The following TNNT3 variants were observed in gnomAD, a reference collection of about 807,000 sequenced individuals.
TNNT3 encodes the protein troponin T, fast skeletal muscle.
TNNT3 carries 36 observed loss-of-function variants against 54.2 expected under a neutral mutation model. The observed-to-expected ratio is 0.66, with a 90% CI of 0.51 to 0.88. The LOEUF (loss-of-function observed/expected upper bound fraction) is 0.88, where lower values mean the gene tolerates loss of function less well. TNNT3 is among the 40% of genes least tolerant of loss of function. The pLI, the probability that TNNT3 is intolerant of heterozygous loss-of-function variation, is 0.00. For missense variants in TNNT3, 291 were observed against 331.6 expected (o/e 0.88, Z 0.95); for synonymous variants, 120 against 109.7 (o/e 1.09, Z -0.59).
In TNNT3 at chr11:1,932,233, C is replaced by T. The variant is rs72846741; in HGVS notation, c.126-236C>T. Among the ~76,000 whole-genome samples the T allele has an allele frequency of 6.7e-3, 1,025 of 152,360 alleles. 2 individuals carry two copies. Among genetic ancestry groups the T allele is most frequent in the Non-Finnish European group, 9.1e-3 (618 of 68,036 alleles). ...CAATGGCCAGAAGCCAAAAGGCAGA[C>T]GGTGGCGCTGGAAGCGGAAGCCTTC... On this transcript the variant is annotated intron_variant, in intron 8 of 15. Transcript: ENST00000278317.
intron 6 of TNNT3, among the ~76,000 whole-genome samples, chr11:1,928,269 G>C (rs550825018): frequency 5.9e-5 from 9 of 152,298 alleles, no homozygotes; most frequent in African/African-American, 2.2e-4. Flanking sequence ...GCCAGCGGCA[G>C]ACCCCCCTCC....
intron 1 of TNNT3, among the ~76,000 whole-genome samples, chr11:1,920,729 T>C (rs1340683245): frequency 1.3e-5 from 2 of 152,086 alleles, no homozygotes; most frequent in African/African-American, 4.8e-5. Context: ...CCGCATAGGT[T>C]ATTTTCACGC....
chr11:1,923,388 C>T (rs1354084430), intron 3 of TNNT3, among the ~76,000 whole-genome samples, 167 bp from the exon 4 acceptor site: 1 of 152,082 alleles, frequency 6.6e-6, no homozygotes, highest in African/African-American at 2.4e-5. Context: ...GAGCCTCTGC[C>T]TTCCCCAGCG....
At chr11:1,921,842 C>T (rs1275703840) in intron 1 of TNNT3, among the ~76,000 whole-genome samples, 1 of 152,204 alleles carries the variant, frequency 6.6e-6, no homozygotes, top group Non-Finnish European at 1.5e-5. Context: ...GCCAACATGC[C>T]GGTGCAGCTG....
chr11:1,922,813 T>G, intron 1 of TNNT3, 44 bp from the exon 2 acceptor site: 1 of 1,587,822 alleles, frequency 6.3e-7, no homozygotes, highest in South Asian at 1.1e-5. Flanking sequence ...CGTAACTCTC[T>G]TTCCATCCTC....
chr11:1,924,758 G>T (rs1851035263), intron 4 of TNNT3, among the ~76,000 whole-genome samples: 1 of 152,202 alleles, frequency 6.6e-6, no homozygotes, highest in Non-Finnish European at 1.5e-5. Context: ...TGTGTCACCT[G>T]CAGAGCAGGA....
At chr11:1,929,429 C>T (rs1564814945) in intron 7 of TNNT3, among the ~76,000 whole-genome samples, 1 of 152,132 alleles carries the variant, frequency 6.6e-6, no homozygotes, top group South Asian at 2.1e-4. Flanking sequence ...GCCGGGCACG[C>T]CCCCCTCCCC....
At chr11:1,922,477 GC>G (rs1321866854) in intron 1 of TNNT3, among the ~76,000 whole-genome samples, 7 of 152,174 alleles carry the variant, frequency 4.6e-5, no homozygotes, top group Non-Finnish European at 1.0e-4. Context: ...AGTGTCTAGA[GC>G]GGGCTGGACG....
chr11:1,930,738 C>A (rs943094639), intron 8 of TNNT3, among the ~76,000 whole-genome samples: 1 of 152,116 alleles, frequency 6.6e-6, no homozygotes, highest in Admixed American at 6.5e-5. Flanking sequence ...AGGGTACAGC[C>A]GGCGTATTCC....
intron 1 of TNNT3, 38 bp from the exon 2 acceptor site, chr11:1,922,819 T>A: frequency 6.6e-7 from 1 of 1,518,680 alleles, no homozygotes. Flanking sequence ...TCTCTTTCCA[T>A]CCTCTCTCTC....
At chr11:1,936,932 C>G (rs940506122) in intron 14 of TNNT3, 31 bp from the exon 15 acceptor site, 4 of 1,592,698 alleles carry the variant, frequency 2.5e-6, no homozygotes, top group Non-Finnish European at 3.4e-6. Flanking sequence ...GCCCTCGGGT[C>G]GTCGCAGTGA....
rs1169178164 is a variant in TNNT3, at chr11:1,934,410, T to C, written c.445T>C (p.Ser149Pro). The C allele has an allele frequency of 7.4e-6, 12 of 1,613,738 alleles. No individual in the cohort carries two copies. Among genetic ancestry groups the C allele is most frequent in the Non-Finnish European group, 8.5e-7 (1 of 1,180,008 alleles). Residue 149 changes from serine (S) to proline (P), a missense_variant, in exon 12 of 16, where the codon TCC (serine) becomes CCC (proline). Transcript: ENST00000278317. ...CCTGAAGAAGAAGAAAGCTCTGTCTTCCATGGGAGCCAACTACAGCAGCTA... is the reference window on the plus strand; with the variant it reads ...CCTGAAGAAGAAGAAAGCTCTGTCTCCCATGGGAGCCAACTACAGCAGCTA... ...DDLKKKKALSSMGANYSSYLA... is the reference protein window; with the variant it reads ...DDLKKKKALSPMGANYSSYLA...
At chr11:1,929,072 A>T (rs629990) in intron 6 of TNNT3, 48 bp from the exon 7 acceptor site, 1 of 1,611,352 alleles carries the variant, frequency 6.2e-7, no homozygotes, top group East Asian at 2.2e-5. Flanking sequence ...CCGCAGCCGC[A>T]CTGGCTTTTC....
intron 7 of TNNT3, 145 bp downstream of exon 7, chr11:1,929,288 G>A: frequency 9.2e-7 from 1 of 1,089,986 alleles, no homozygotes; most frequent in Non-Finnish European, 1.4e-6. Flanking sequence ...GCCTCGGAGG[G>A]CCAGGCCTTG....
intron 11 of TNNT3, 40 bp downstream of exon 11, chr11:1,934,048 A>T (rs777592621): frequency 2.5e-6 from 4 of 1,590,838 alleles, no homozygotes; most frequent in Non-Finnish European, 3.4e-6. Context: ...TCAGAGAATG[A>T]GCCCCAGGCC....
intron 1 of TNNT3, among the ~76,000 whole-genome samples, chr11:1,922,086 C>T (rs1850237046): frequency 6.6e-6 from 1 of 152,064 alleles, no homozygotes; most frequent in Non-Finnish European, 1.5e-5. Context: ...CCAAGTATGC[C>T]TTGTACAGAG....
At chr11:1,933,677 T>C (rs763843384) in intron 9 of TNNT3, 44 bp from the exon 10 acceptor site, 1 of 1,509,838 alleles carries the variant, frequency 6.6e-7, no homozygotes, top group Admixed American at 1.7e-5. Context: ...AGGGCAGAGG[T>C]TGGAGAGAGG....
At chr11:1,935,720 C>T (rs1382370965) in intron 14 of TNNT3, 4 of 205,750 alleles carry the variant, frequency 1.9e-5, no homozygotes, top group Non-Finnish European at 4.0e-5. Flanking sequence ...GATGTCCACC[C>T]TCCAGCACCG....
rs767388447 is a variant in TNNT3, at chr11:1,922,849, C to T, written c.-18-8C>T. Reference sequence around the variant, plus strand: ...TCTCTCTCTCTCTCTCTGAATCTCTCTCTGCAGAAACCACCCACCTTCACC... The same window carrying T: ...TCTCTCTCTCTCTCTCTGAATCTCTTTCTGCAGAAACCACCCACCTTCACC... On this transcript the variant is annotated splice_polypyrimidine_tract_variant and splice_region_variant and intron_variant, in intron 1 of 15. Transcript: ENST00000278317. 1.2e-6 allele frequency: 2 copies of T among 1,612,554 alleles called. No individual in the cohort carries two copies. Among genetic ancestry groups the T allele is most frequent in the South Asian group, 1.1e-5 (1 of 91,076 alleles).
Sources: allele counts gnomAD v4.1 joint callset (sites outside exome capture counted in the v4.1 genomes callset), GRCh38; gene constraint gnomAD v4.1.1; transcripts MANE v1.5; gene names NCBI Gene and HGNC (gene_info 2026-07-23, HGNC 2026-07-21).